The following DOCK5 variants were observed in gnomAD, a reference collection of about 807,000 sequenced individuals.
DOCK5 encodes the protein dedicator of cytokinesis protein 5.
Under a neutral mutation model 251.8 loss-of-function variants are expected in DOCK5, and 142 were observed. The ratio of observed to expected loss-of-function variants is 0.56; its 90% CI spans 0.49 to 0.65. DOCK5 has a LOEUF of 0.65. Among genes scored for constraint, DOCK5 ranks in the 30% least tolerant of loss-of-function variants. DOCK5 has a pLI of 0.00. For missense variants in DOCK5, 2,111 were observed against 2,312.3 expected (o/e 0.91, Z 1.79); for synonymous variants, 842 against 835.5 (o/e 1.01, Z -0.13).
At position 25,403,636 on chromosome 8, in the gene DOCK5, A is replaced by C; in HGVS notation, c.5005A>C (p.Arg1669=). Reference sequence around the variant, plus strand: ...CTACATCATGTCTTCCACTCTGCGGAGGTTGTCCATCACCTCAGTCACTTC... The same window carrying C: ...CTACATCATGTCTTCCACTCTGCGGCGGTTGTCCATCACCTCAGTCACTTC... ...LPYIMSSTLR[R]LSITSVTSSV... Residue 1669 remains arginine (R), a synonymous_variant, in exon 48 of 52, where the codon AGG becomes CGG. Transcript: ENST00000276440. 6.2e-7 allele frequency: 1 copy of C among 1,613,938 alleles called. No homozygotes were observed. The highest frequency in any genetic ancestry group is 8.5e-7 in the Non-Finnish European group (1 of 1,179,868).
At chr8:25,222,263 T>C (rs937038701) in intron 1 of DOCK5, among the ~76,000 whole-genome samples, 1 of 152,210 alleles carries the variant, frequency 6.6e-6, no homozygotes, top group Non-Finnish European at 1.5e-5. Flanking sequence ...TCCAGTATTA[T>C]TTCAAACGGG....
Position 25,411,221 on chromosome 8 carries a change from G to C in DOCK5, c.5536G>C (p.Glu1846Gln). ...ELAPPLPVRREAKAPPPPPPK... is the reference protein window; with the variant it reads ...ELAPPLPVRRQAKAPPPPPPK... ...CGCTCCCCCACTGCCTGTCCGAAGA[G>C]AAGCCAAAGCACCACCCCCTCCACC... The change falls in exon 52 of 52, where the codon GAA becomes CAA. Residue 1846 changes from glutamate to glutamine, a missense_variant. Physicochemically the swap from Glu to Gln is conservative, Grantham distance 29. Around this residue, in one of 3 missense-constraint regions of DOCK5, gnomAD observed 1,717 missense variants for 1,892.4 expected, o/e 0.91. Coordinates refer to ENST00000276440, the MANE Select transcript of DOCK5 (RefSeq NM_024940.8). 3.8e-6 allele frequency: 6 copies of C among 1,592,082 alleles called. No individual in the cohort carries two copies. The highest frequency in any genetic ancestry group is 5.1e-6 in the Non-Finnish European group (6 of 1,170,952).
chr8:25,355,880 C>T (rs1034952363), intron 27 of DOCK5, among the ~76,000 whole-genome samples: 2 of 151,926 alleles, frequency 1.3e-5, no homozygotes, highest in Non-Finnish European at 2.9e-5. Context: ...ATACTAGTTA[C>T]AAATAAATAG....
chr8:25,275,835 C>CA (rs11374112), intron 4 of DOCK5, among the ~76,000 whole-genome samples: 6,132 of 150,610 alleles, frequency 0.041, 157 homozygotes, highest in South Asian at 0.065. Context: ...GACTCTCTCT[C>CA]AAAAAAAAAT....
intron 5 of DOCK5, among the ~76,000 whole-genome samples, chr8:25,283,877 GC>G (rs1328170883): frequency 2.0e-5 from 3 of 152,144 alleles, no homozygotes; most frequent in Non-Finnish European, 4.4e-5. Context: ...ATACTGCTGT[GC>G]CTCAGTTGGA....
intron 13 of DOCK5, among the ~76,000 whole-genome samples, chr8:25,313,714 A>G (rs2117187539): frequency 6.6e-6 from 1 of 152,334 alleles, no homozygotes. Flanking sequence ...CTTGGCTTGC[A>G]GATGGCCATC....
chr8:25,369,588 G>A lies in DOCK5; in HGVS notation c.3471G>A (p.Gln1157=). Residue 1157 remains glutamine (Q), a synonymous_variant, in exon 34 of 52, where the codon CAG becomes CAA. Coordinates refer to ENST00000276440, the MANE Select transcript of DOCK5 (RefSeq NM_024940.8). ...FENELITKLD[Q]EVEGGRGDEQ... The stretch of plus-strand genomic sequence containing the variant: ...ATGAGCTGATCACAAAGCTGGACCA[G>A]GAGGTAGAAGGGGGCAGAGGAGACG... The A allele has an allele frequency of 6.2e-7, 1 of 1,611,930 alleles. No homozygotes were observed. Among genetic ancestry groups the A allele is most frequent in the Non-Finnish European group, 8.5e-7 (1 of 1,179,042 alleles).
At chr8:25,202,820 G>T (rs1415238722) in intron 1 of DOCK5, among the ~76,000 whole-genome samples, 1 of 152,100 alleles carries the variant, frequency 6.6e-6, no homozygotes, top group Non-Finnish European at 1.5e-5. Context: ...GCACTTTGGG[G>T]CCATGATTAA....
At chr8:25,390,819 T>G (rs2709642) in intron 42 of DOCK5, among the ~76,000 whole-genome samples, 1 of 36,094 alleles carries the variant, frequency 2.8e-5, no homozygotes, top group Non-Finnish European at 1.1e-4. Flanking sequence ...TTTTTTTTTG[T>G]TTTTTTTTGA....
intron 2 of DOCK5, among the ~76,000 whole-genome samples, chr8:25,266,101 G>A (rs566495572): frequency 2.0e-5 from 3 of 151,888 alleles, no homozygotes; most frequent in Admixed American, 6.6e-5. Context: ...ATCCCCTCAC[G>A]ATTCCCTTTA....
chr8:25,184,830 G>T lies in DOCK5; in HGVS notation c.-79G>T. Reference sequence around the variant, plus strand: ...TGGCGGAAGCGTCTGGGGCACGCAGGAGCGCGGGGCGGCGGCGGCCGGAGC... The same window carrying T: ...TGGCGGAAGCGTCTGGGGCACGCAGTAGCGCGGGGCGGCGGCGGCCGGAGC... On this transcript the variant is annotated 5_prime_UTR_variant, in exon 1 of 52. Transcript: ENST00000276440. The T allele has an allele frequency of 8.1e-7, 1 of 1,230,990 alleles. No individual in the cohort carries two copies. Among genetic ancestry groups the T allele is most frequent in the South Asian group, 3.0e-5 (1 of 33,364 alleles). The allele number at this position is 1,230,990 out of a possible 1,614,324, so 76.3% of individuals were successfully genotyped here.
At chr8:25,396,599 T>G (rs142242351) in intron 45 of DOCK5, among the ~76,000 whole-genome samples, 1 of 152,320 alleles carries the variant, frequency 6.6e-6, no homozygotes, top group Non-Finnish European at 1.5e-5. Flanking sequence ...TTTTCATTGC[T>G]GTGGTATGTT....
At chr8:25,262,223 A>G (rs539782791) in intron 2 of DOCK5, among the ~76,000 whole-genome samples, 5 of 152,256 alleles carry the variant, frequency 3.3e-5, no homozygotes, top group Admixed American at 1.3e-4. Flanking sequence ...GGCACAGTCA[A>G]TCTTTTTAAC....
Position 25,372,676 on chromosome 8 carries a change from T to C in DOCK5, c.3642T>C (p.Asp1214=). Residue 1214 remains aspartate (D), a synonymous_variant, in exon 35 of 52, where the codon GAT becomes GAC. Coordinates refer to ENST00000276440, the MANE Select transcript of DOCK5 (RefSeq NM_024940.8). Reference sequence around the variant, plus strand: ...ACTATAGAACCATCATCATGCAAGATGAGAGCAAGGAGAACCGTATGAGCT... The same window carrying C: ...ACTATAGAACCATCATCATGCAAGACGAGAGCAAGGAGAACCGTATGAGCT... ...LLDYRTIIMQ[D]ESKENRMSCT... 6.2e-7 allele frequency: 1 copy of C among 1,611,628 alleles called. No individual in the cohort carries two copies.
intron 22 of DOCK5, among the ~76,000 whole-genome samples, chr8:25,339,441 G>A (rs1463099989): frequency 1.3e-5 from 2 of 152,164 alleles, no homozygotes; most frequent in East Asian, 3.8e-4. Flanking sequence ...GGTGTGTGTG[G>A]GTTCCATGGA....
intron 1 of DOCK5, 27 bp downstream of exon 1, chr8:25,184,978 G>A: frequency 7.4e-7 from 1 of 1,353,308 alleles, no homozygotes; most frequent in East Asian, 2.9e-5. Context: ...CCTTGTCCCG[G>A]CCCGACCCAC....
At chr8:25,236,136 A>T (rs998589713) in intron 1 of DOCK5, among the ~76,000 whole-genome samples, 1 of 152,162 alleles carries the variant, frequency 6.6e-6, no homozygotes, top group Non-Finnish European at 1.5e-5. Flanking sequence ...TGCATTGATT[A>T]TGAAATCCTC....
chr8:25,312,272 C>G (rs1355236599), intron 13 of DOCK5, among the ~76,000 whole-genome samples: 1 of 152,086 alleles, frequency 6.6e-6, no homozygotes, highest in Admixed American at 6.5e-5. Flanking sequence ...TACAACAAGA[C>G]ACAAATCTGA....
chr8:25,339,746 G>A (rs1296863878), intron 22 of DOCK5, among the ~76,000 whole-genome samples: 1 of 152,192 alleles, frequency 6.6e-6, no homozygotes, highest in Non-Finnish European at 1.5e-5. Context: ...AAATGATGTG[G>A]GGCCTTGTAG....
Sources: allele counts gnomAD v4.1 joint callset (sites outside exome capture counted in the v4.1 genomes callset), GRCh38; gene constraint gnomAD v4.1.1; regional missense constraint gnomAD v4.1.1; transcripts MANE v1.5; gene names NCBI Gene and HGNC (gene_info 2026-07-23, HGNC 2026-07-21).